The following NPAS3 variants were observed in gnomAD, a reference collection of about 807,000 sequenced individuals.
NPAS3 encodes neuronal PAS domain-containing protein 3.
In NPAS3, 14 loss-of-function variants were observed where a neutral mutation model predicts 73.1. The ratio of observed to expected loss-of-function variants is 0.19; its 90% CI spans 0.13 to 0.30. The LOEUF is 0.30. Among genes scored for constraint, NPAS3 ranks in the 10% least tolerant of loss-of-function variants. The pLI is 1.00. For synonymous variants in NPAS3, 620 were observed against 541.5 expected (o/e 1.14, Z -2.01); for missense variants, 1,096 against 1,250.0 (o/e 0.88, Z 1.86).
intron 2 of NPAS3, among the ~76,000 whole-genome samples, chr14:33,090,255 T>C (rs1180709435): frequency 6.6e-6 from 1 of 151,608 alleles, no homozygotes; most frequent in Non-Finnish European, 1.5e-5. Context: ...AGGAAACCCA[T>C]CTCATGTGCA....
rs114346570 is a variant in NPAS3 at position 32,999,811 on chromosome 14, T to A, written c.51-56094T>A. Among the ~76,000 whole-genome samples the A allele has an allele frequency of 2.0e-3, 297 of 152,246 alleles. 1 individual carries two copies. Among genetic ancestry groups the A allele is most frequent in the African/African-American group, 6.9e-3 (287 of 41,526 alleles). ...CCCCCTTAAGATTGTTTAACTTGGG[T>A]TTCTGTTGCTTGTAATAAAAAATAT... On this transcript the variant is annotated intron_variant, in intron 1 of 11. Coordinates refer to ENST00000356141, the Ensembl canonical transcript of NPAS3.
intron 1 of NPAS3, among the ~76,000 whole-genome samples, chr14:33,018,909 T>C (rs2039490165): frequency 6.6e-6 from 1 of 151,336 alleles, no homozygotes; most frequent in African/African-American, 2.4e-5. Context: ...TGTAGAGAGA[T>C]CTAAGAACAC....
chr14:32,952,061 CT>C (rs1042600302), intron 1 of NPAS3, among the ~76,000 whole-genome samples: 6 of 151,740 alleles, frequency 4.0e-5, no homozygotes, highest in Non-Finnish European at 7.4e-5. Flanking sequence ...AGATGATTAA[CT>C]TTTTTGCTTA....
chr14:33,701,854 G>A (rs755607042), intron 6 of NPAS3, among the ~76,000 whole-genome samples: 3 of 151,252 alleles, frequency 2.0e-5, no homozygotes, highest in Non-Finnish European at 4.4e-5. Flanking sequence ...CCCAAATTCT[G>A]TGTGCAGAGA....
intron 5 of NPAS3, among the ~76,000 whole-genome samples, chr14:33,653,289 T>C (rs755151456): frequency 1.3e-5 from 2 of 152,254 alleles, no homozygotes; most frequent in Non-Finnish European, 2.9e-5. Context: ...ATGGTGCGTC[T>C]TTATCCTGTG....
chr14:33,519,399 A>T (rs1021611542), intron 4 of NPAS3, among the ~76,000 whole-genome samples: 4 of 151,924 alleles, frequency 2.6e-5, no homozygotes, highest in African/African-American at 9.7e-5. Context: ...TTACACTCAA[A>T]CATTAGTTGC....
chr14:33,176,518 T>G (rs147429741), intron 2 of NPAS3, among the ~76,000 whole-genome samples: 1 of 152,368 alleles, frequency 6.6e-6, no homozygotes, highest in African/African-American at 2.4e-5. Flanking sequence ...ATGAATTACT[T>G]ATTTCTTACG....
At chr14:33,156,995 C>T (rs192229866) in intron 2 of NPAS3, among the ~76,000 whole-genome samples, 2 of 152,186 alleles carry the variant, frequency 1.3e-5, no homozygotes, top group African/African-American at 4.8e-5. Context: ...AAGATAGAAT[C>T]AAGAGGAACT....
At chr14:33,421,793 A>G (rs984998677) in intron 4 of NPAS3, among the ~76,000 whole-genome samples, 16 of 151,996 alleles carry the variant, frequency 1.1e-4, no homozygotes, top group Non-Finnish European at 1.5e-4. Flanking sequence ...GGACTCTGTT[A>G]TATCTTGAAA....
upstream of NPAS3, chr14:32,934,799 C>A: frequency 4.1e-6 from 1 of 245,128 alleles, no homozygotes; most frequent in Non-Finnish European, 6.6e-6. This position sits in a 1 kb window ranked among gnomAD's most constrained non-coding sequence, Gnocchi z 4.1. Context: ...CGAGCCCCCG[C>A]CAGCCAGAGC....
chr14:33,082,181 T>C (rs779366630), intron 2 of NPAS3, among the ~76,000 whole-genome samples: 10 of 152,202 alleles, frequency 6.6e-5, no homozygotes, highest in Non-Finnish European at 1.5e-4. Context: ...TTTAAAATGC[T>C]TGGACTCCCG....
intron 3 of NPAS3, among the ~76,000 whole-genome samples, chr14:33,277,862 T>C (rs1458026083): frequency 2.0e-5 from 3 of 152,108 alleles, no homozygotes; most frequent in Admixed American, 6.6e-5. Context: ...GGTATAGACC[T>C]GATCTGAGTG....
chr14:33,790,767 C>G (rs745710626), intron 9 of NPAS3, among the ~76,000 whole-genome samples: 1 of 152,190 alleles, frequency 6.6e-6, no homozygotes, highest in Non-Finnish European at 1.5e-5. Context: ...CTCCCAGGCT[C>G]AAGCGATTTT....
intron 7 of NPAS3, among the ~76,000 whole-genome samples, chr14:33,746,893 C>G (rs1475607088): frequency 2.1e-5 from 3 of 145,074 alleles, no homozygotes; most frequent in Non-Finnish European, 3.0e-5. Flanking sequence ...ATCCCTCCCC[C>G]GTCCCCCCAC....
chr14:32,999,756 C>A (rs1424622708), intron 1 of NPAS3, among the ~76,000 whole-genome samples: 1 of 152,052 alleles, frequency 6.6e-6, no homozygotes, highest in Admixed American at 6.5e-5. Flanking sequence ...TTTCTTAGAC[C>A]CAGTTATACT....
intron 5 of NPAS3, among the ~76,000 whole-genome samples, chr14:33,562,966 G>A (rs942329418): frequency 1.3e-5 from 2 of 151,170 alleles, no homozygotes; most frequent in African/African-American, 4.9e-5. Context: ...CTACAACTTT[G>A]GCTAAGTGGT....
chr14:33,733,135 T>C (rs1329441097), intron 6 of NPAS3, among the ~76,000 whole-genome samples: 1 of 152,180 alleles, frequency 6.6e-6, no homozygotes. Context: ...GCTGAATTTT[T>C]AAGGCTGAGT....
intron 4 of NPAS3, among the ~76,000 whole-genome samples, chr14:33,446,988 A>G (rs1267737458): frequency 1.3e-5 from 2 of 152,224 alleles, no homozygotes; most frequent in Non-Finnish European, 2.9e-5. Context: ...TATTTACCAA[A>G]TAGCAATATG....
intron 5 of NPAS3, among the ~76,000 whole-genome samples, chr14:33,657,066 C>T (rs1411934042): frequency 1.3e-5 from 2 of 152,112 alleles, no homozygotes; most frequent in Non-Finnish European, 2.9e-5. Flanking sequence ...ATTTGTAATG[C>T]CAATGAACAT....
Sources: gnomAD v4.1 joint callset for allele counts (sites outside exome capture counted in the v4.1 genomes callset) on GRCh38, gnomAD v4.1.1 for gene constraint, Gnocchi (gnomAD v3.1) non-coding constraint, MANE v1.5 for transcripts, NCBI Gene and HGNC (gene_info 2026-07-23, HGNC 2026-07-21) for gene names.